SHISA9: variants seen among roughly 807,000 people sequenced by gnomAD.
The protein encoded by SHISA9 is shisa family member 9, also known as protein shisa-9.
SHISA9 carries 13 observed loss-of-function variants against 38.0 expected under a neutral mutation model. The observed-to-expected ratio is 0.34, with a 90% CI of 0.22 to 0.54. The LOEUF is 0.54. SHISA9 is among the 20% of genes least tolerant of loss of function. The probability of loss-of-function intolerance (pLI) is 0.91; values close to 1 mark genes in which losing one functional copy is unlikely to be tolerated. For synonymous variants in SHISA9, 275 were observed against 242.0 expected (o/e 1.14, Z -1.27); for missense variants, 538 against 575.8 (o/e 0.93, Z 0.67).
the SHISA9 span, among the ~76,000 whole-genome samples, chr16:13,414,594 A>G: frequency 6.7e-6 from 1 of 150,008 alleles, no homozygotes; most frequent in Non-Finnish European, 1.5e-5. Flanking sequence ...CTCAAAACAA[A>G]TTTTTGTTAA....
At chr16:13,279,384 T>A in the SHISA9 span, among the ~76,000 whole-genome samples, 1 of 152,018 alleles carries the variant, frequency 6.6e-6, no homozygotes, top group African/African-American at 2.4e-5. Context: ...GGAGGAAATG[T>A]TCTGTATATA....
At chr16:13,357,051 G>A in the SHISA9 span, among the ~76,000 whole-genome samples, 46 of 152,120 alleles carry the variant, frequency 3.0e-4, no homozygotes, top group South Asian at 6.2e-4. Context: ...TATAGTGAAG[G>A]AGGCAAACCC....
At chr16:12,985,443 C>T (rs2072295687) in intron 2 of SHISA9, among the ~76,000 whole-genome samples, 1 of 152,080 alleles carries the variant, frequency 6.6e-6, no homozygotes, top group South Asian at 2.1e-4. Flanking sequence ...ACTATGACCA[C>T]CTTGAAAACT....
intron 2 of SHISA9, among the ~76,000 whole-genome samples, chr16:12,946,496 A>G (rs1596543651): frequency 6.6e-6 from 1 of 152,272 alleles, no homozygotes; most frequent in East Asian, 1.9e-4. Flanking sequence ...CAAGGAAGGA[A>G]GGTAGGGCAG....
chr16:13,219,456 G>T (rs2051201485), intron 4 of SHISA9, among the ~76,000 whole-genome samples: 1 of 152,190 alleles, frequency 6.6e-6, no homozygotes, highest in Non-Finnish European at 1.5e-5. Context: ...CCATGTGACA[G>T]TCTTTGAGCT....
chr16:13,363,160 C>T, the SHISA9 span, among the ~76,000 whole-genome samples: 1 of 152,162 alleles, frequency 6.6e-6, no homozygotes, highest in African/African-American at 2.4e-5. Context: ...GGTAAACAAG[C>T]ATTGAAAACA....
chr16:13,533,929 G>T, the SHISA9 span, among the ~76,000 whole-genome samples: 13 of 151,692 alleles, frequency 8.6e-5, no homozygotes, highest in African/African-American at 2.9e-4. Flanking sequence ...GACTACAGGC[G>T]CCTGCCACTG....
the SHISA9 span, among the ~76,000 whole-genome samples, chr16:13,252,519 A>G: frequency 2.0e-5 from 3 of 152,160 alleles, no homozygotes; most frequent in Admixed American, 6.5e-5. Context: ...TTCATGCTGC[A>G]GTCTTCCTCC....
chr16:13,025,743 T>A (rs2072912704), intron 2 of SHISA9, among the ~76,000 whole-genome samples: 1 of 152,198 alleles, frequency 6.6e-6, no homozygotes, highest in South Asian at 2.1e-4. Context: ...TTTTTTTTAT[T>A]TTTTACTTTT....
At chr16:13,511,371 A>G in the SHISA9 span, among the ~76,000 whole-genome samples, 1 of 152,220 alleles carries the variant, frequency 6.6e-6, no homozygotes, top group African/African-American at 2.4e-5. Context: ...GGAGAAGTAA[A>G]TGAATATTGT....
chr16:13,247,575 T>TTAAATAAA, the SHISA9 span, among the ~76,000 whole-genome samples: 4 of 151,018 alleles, frequency 2.6e-5, no homozygotes, highest in African/African-American at 9.9e-5. Flanking sequence ...GTTACTGTGG[T>TTAAATAAA]TAAATAAATA....
chr16:13,055,293 G>C (rs1442258262), intron 2 of SHISA9, among the ~76,000 whole-genome samples: 1 of 152,184 alleles, frequency 6.6e-6, no homozygotes, highest in East Asian at 1.9e-4. Flanking sequence ...TTAGAACTCA[G>C]ACATCTTTGC....
the SHISA9 span, among the ~76,000 whole-genome samples, chr16:13,497,774 T>G: frequency 1.3e-5 from 2 of 151,612 alleles, no homozygotes; most frequent in Non-Finnish European, 2.9e-5. Context: ...GCAGACAAGT[T>G]GACAGACAGA....
the SHISA9 span, among the ~76,000 whole-genome samples, chr16:13,483,333 AG>A: frequency 1.3e-5 from 2 of 152,206 alleles, no homozygotes; most frequent in Non-Finnish European, 2.9e-5. Flanking sequence ...TGCACCCCCA[AG>A]GTCAGAGTGG....
chr16:13,088,651 C>T (rs1333099730), intron 2 of SHISA9, among the ~76,000 whole-genome samples: 4 of 152,162 alleles, frequency 2.6e-5, no homozygotes, highest in East Asian at 1.9e-4. Flanking sequence ...GATTTTTGCA[C>T]ATTGATTTTG....
At chr16:13,216,561 C>G (rs1012403563) in intron 4 of SHISA9, among the ~76,000 whole-genome samples, 2 of 152,212 alleles carry the variant, frequency 1.3e-5, no homozygotes, top group African/African-American at 2.4e-5. Flanking sequence ...GACATCTGAT[C>G]TCTTTGCTCT....
intron 2 of SHISA9, among the ~76,000 whole-genome samples, chr16:13,042,675 C>G (rs1392620358): frequency 6.6e-6 from 1 of 152,198 alleles, no homozygotes; most frequent in Non-Finnish European, 1.5e-5. Flanking sequence ...AGATAAGAGT[C>G]TGAGGGAAAT....
chr16:13,087,780 T>C (rs2073729823), intron 2 of SHISA9, among the ~76,000 whole-genome samples: 1 of 152,254 alleles, frequency 6.6e-6, no homozygotes, highest in Non-Finnish European at 1.5e-5. Flanking sequence ...GTAGGTTGCC[T>C]GTTCACTCTG....
chr16:12,908,468 C>T, intron 1 of SHISA9: 2 of 1,552,110 alleles, frequency 1.3e-6, no homozygotes. Context: ...TACCCTTCCC[C>T]CATGAGGTAG....
Sources: allele counts gnomAD v4.1 joint callset (sites outside exome capture counted in the v4.1 genomes callset), GRCh38; gene constraint gnomAD v4.1.1; transcripts MANE v1.5; gene names NCBI Gene and HGNC (gene_info 2026-07-23, HGNC 2026-07-21).